Variants in MICU2 observed in about 807,000 individuals in gnomAD.
MICU2 encodes the protein calcium uptake protein 2, mitochondrial.
MICU2 carries 64 observed loss-of-function variants against 60.4 expected under a neutral mutation model. The ratio of observed to expected loss-of-function variants is 1.06; its 90% CI spans 0.87 to 1.31. The LOEUF (loss-of-function observed/expected upper bound fraction) is 1.31, where lower values mean the gene tolerates loss of function less well. Among genes scored for constraint, MICU2 ranks in the 50% most tolerant of loss-of-function variants. The pLI, the probability that MICU2 is intolerant of heterozygous loss-of-function variation, is 0.00. For missense variants in MICU2, 569 were observed against 531.0 expected, an observed-to-expected ratio of 1.07 and a Z score of -0.70; for synonymous variants, 201 against 175.0, an observed-to-expected ratio of 1.15 and a Z score of -1.17.
chr13:21,497,664 C>T (rs1416533288), intron 9 of MICU2, among the ~76,000 whole-genome samples: 2 of 152,176 alleles, frequency 1.3e-5, no homozygotes, highest in Non-Finnish European at 1.5e-5. Context: ...GAGCTAACTG[C>T]ACCACTGCAC....
chr13:21,593,221 G>A (rs959216076), intron 1 of MICU2, among the ~76,000 whole-genome samples: 1 of 151,768 alleles, frequency 6.6e-6, no homozygotes, highest in African/African-American at 2.4e-5. Context: ...TACAACGATA[G>A]GCAAGCAGAG....
intron 7 of MICU2, 86 bp downstream of exon 7, chr13:21,514,267 C>G (rs1886505553): frequency 8.9e-7 from 1 of 1,125,596 alleles, no homozygotes; most frequent in Admixed American, 2.2e-5. Flanking sequence ...GATACCAAAT[C>G]TATTGGTAAC....
chr13:21,577,138 A>C (rs953747636), intron 1 of MICU2, among the ~76,000 whole-genome samples: 2 of 152,236 alleles, frequency 1.3e-5, no homozygotes, highest in Non-Finnish European at 2.9e-5. Context: ...CTTCAATGTC[A>C]ATCTCAGTTT....
chr13:21,603,996 C>G lies in MICU2; in HGVS notation c.153G>C (p.Trp51Cys). The change falls in exon 1 of 12, where the codon TGG (tryptophan) becomes TGC (cysteine). Residue 51 changes from tryptophan to cysteine, a missense_variant. Physicochemically the swap from Trp to Cys is radical, Grantham distance 215. Coordinates refer to ENST00000382374, the MANE Select transcript of MICU2 (RefSeq NM_152726.3). ...CCGCAACACTGACGCGGCTGTGGTG[C>G]CAGGCCGCTCCTGCTCCTGCCAGGG... The part of the protein sequence containing the change: ...GAALAGAGAA[W>C]HHSRVSVAAR... 1 of 1,611,518 alleles carries G rather than the reference C, an allele frequency of 6.2e-7. No homozygotes were observed. The highest frequency in any genetic ancestry group is 8.5e-7 in the Non-Finnish European group (1 of 1,179,472).
At chr13:21,505,342 T>C (rs1376107199) in intron 8 of MICU2, among the ~76,000 whole-genome samples, 1 of 152,152 alleles carries the variant, frequency 6.6e-6, no homozygotes, top group African/African-American at 2.4e-5. Flanking sequence ...AAGGCACTGA[T>C]GCAGGGCGGG....
At chr13:21,496,883 T>A (rs1481954149) in intron 9 of MICU2, among the ~76,000 whole-genome samples, 2 of 151,700 alleles carry the variant, frequency 1.3e-5, no homozygotes, top group Non-Finnish European at 2.9e-5. Context: ...ATGAAATCCC[T>A]TCTCTACTAA....
intron 1 of MICU2, among the ~76,000 whole-genome samples, chr13:21,600,973 T>G (rs984142455): frequency 2.6e-5 from 4 of 152,096 alleles, no homozygotes. Flanking sequence ...ATTTTTTGTA[T>G]TTTTAGTAGA....
intron 7 of MICU2, among the ~76,000 whole-genome samples, chr13:21,510,712 T>C (rs1406139444): frequency 6.6e-6 from 1 of 152,108 alleles, no homozygotes. Flanking sequence ...AGAGAAACAG[T>C]AGACTCAGGT....
chr13:21,584,889 A>G (rs1203077395), intron 1 of MICU2, among the ~76,000 whole-genome samples: 1 of 152,198 alleles, frequency 6.6e-6, no homozygotes, highest in Non-Finnish European at 1.5e-5. Flanking sequence ...CAGAAGCATA[A>G]TTTGTATATA....
chr13:21,562,702 G>A (rs1887876345), intron 2 of MICU2, among the ~76,000 whole-genome samples: 1 of 152,112 alleles, frequency 6.6e-6, no homozygotes, highest in South Asian at 2.1e-4. Context: ...TACCGTTGCT[G>A]TTATATATTT....
intron 5 of MICU2, 57 bp downstream of exon 5, chr13:21,522,546 G>C: frequency 7.2e-7 from 1 of 1,386,348 alleles, no homozygotes; most frequent in South Asian, 1.3e-5. Flanking sequence ...TTAAAATCCT[G>C]TTTGGTAAGA....
chr13:21,566,779 A>C lies in MICU2; in HGVS notation c.358+18T>G. 1 of 1,522,250 alleles carries C rather than the reference A, an allele frequency of 6.6e-7. No individual in the cohort carries two copies. Among genetic ancestry groups the C allele is most frequent in the Non-Finnish European group, 8.8e-7 (1 of 1,141,442 alleles). 94.3% of individuals were successfully genotyped at this position (1,522,250 alleles called of 1,614,324 possible). On this transcript the variant is annotated intron_variant, in intron 2 of 11. Transcript: ENST00000382374. ...AAGTCTGATTTTTTTAATTAAAAAA[A>C]AAAAAGACCCAACTCACGTTCCATT...
intron 4 of MICU2, among the ~76,000 whole-genome samples, chr13:21,537,930 G>T (rs187270648): frequency 6.6e-4 from 100 of 152,238 alleles, no homozygotes; most frequent in African/African-American, 2.4e-3. Flanking sequence ...GTGGAATGCT[G>T]ATCCTTCCAC....
chr13:21,501,508 C>T (rs939852114), intron 9 of MICU2, among the ~76,000 whole-genome samples: 18 of 152,256 alleles, frequency 1.2e-4, no homozygotes, highest in African/African-American at 4.1e-4. Context: ...ATGATCTGCC[C>T]GCCTTGGCCT....
chr13:21,590,086 A>G (rs1365113376), intron 1 of MICU2, among the ~76,000 whole-genome samples: 1 of 152,242 alleles, frequency 6.6e-6, no homozygotes, highest in East Asian at 1.9e-4. Context: ...CAGGAAATAC[A>G]GAGAACACCA....
chr13:21,552,067 C>G (rs1047951659), intron 2 of MICU2, among the ~76,000 whole-genome samples: 9 of 152,026 alleles, frequency 5.9e-5, no homozygotes, highest in Admixed American at 5.2e-4. Flanking sequence ...AAAAGTGTTC[C>G]TATTTCTCCA....
intron 4 of MICU2, among the ~76,000 whole-genome samples, chr13:21,535,579 A>C (rs1052289800): frequency 6.6e-6 from 1 of 152,210 alleles, no homozygotes; most frequent in Non-Finnish European, 1.5e-5. Context: ...TTTATTAACT[A>C]TGATTTTAAA....
At chr13:21,513,739 C>CAAAAAAAAAAA (rs376128312) in intron 7 of MICU2, among the ~76,000 whole-genome samples, 3 of 59,112 alleles carry the variant, frequency 5.1e-5, no homozygotes, top group African/African-American at 8.2e-5. Flanking sequence ...GACTCTGTCT[C>CAAAAAAAAAAA]AAAAAAAAAA....
At chr13:21,521,393 G>A in intron 5 of MICU2, 66 bp from the exon 6 acceptor site, 1 of 1,323,664 alleles carries the variant, frequency 7.6e-7, no homozygotes, top group Middle Eastern at 1.9e-4. Flanking sequence ...AGATAGATAG[G>A]TCTTCAAATT....
Sources: gnomAD v4.1 joint callset for allele counts (sites outside exome capture counted in the v4.1 genomes callset) on GRCh38, gnomAD v4.1.1 for gene constraint, MANE v1.5 for transcripts, NCBI Gene and HGNC (gene_info 2026-07-23, HGNC 2026-07-21) for gene names.